ESR1: variants seen among roughly 807,000 people sequenced by gnomAD.
ESR1 encodes estrogen receptor 1, also known as estrogen receptor.
ESR1 carries 12 observed loss-of-function variants against 52.7 expected under a neutral mutation model. The ratio of observed to expected loss-of-function variants is 0.23; its 90% CI spans 0.15 to 0.37. The LOEUF (loss-of-function observed/expected upper bound fraction) is 0.37, where lower values mean the gene tolerates loss of function less well. ESR1 is among the 10% of genes least tolerant of loss of function. The pLI is 1.00. For synonymous variants in ESR1, 305 were observed against 316.8 expected, an observed-to-expected ratio of 0.96 and a Z score of 0.39; for missense variants, 584 against 779.7, an observed-to-expected ratio of 0.75 and a Z score of 2.99.
chr6:151,967,307 A>G (rs1484621245), intron 4 of ESR1, among the ~76,000 whole-genome samples: 1 of 151,990 alleles, frequency 6.6e-6, no homozygotes, highest in Non-Finnish European at 1.5e-5. Flanking sequence ...TACATTAGGT[A>G]TTTCTCCTAA....
At chr6:151,914,622 G>T (rs756355677) in intron 3 of ESR1, among the ~76,000 whole-genome samples, 3 of 152,196 alleles carry the variant, frequency 2.0e-5, no homozygotes, top group Non-Finnish European at 4.4e-5. Flanking sequence ...GAAAAAAGGA[G>T]TATGGACATT....
intron 6 of ESR1, among the ~76,000 whole-genome samples, chr6:152,124,181 C>G (rs1186095661): frequency 6.6e-6 from 1 of 152,142 alleles, no homozygotes; most frequent in Non-Finnish European, 1.5e-5. Context: ...TGGCGTGTGC[C>G]TGTAGTCCCA....
intron 4 of ESR1, among the ~76,000 whole-genome samples, chr6:151,999,497 C>G (rs1584739556): frequency 6.6e-6 from 1 of 152,066 alleles, no homozygotes; most frequent in Admixed American, 6.6e-5. Context: ...ATATAACAAG[C>G]ATTTCCAGTA....
At chr6:151,784,894 A>G (rs376952383) in intron 2 of ESR1, among the ~76,000 whole-genome samples, 1 of 152,248 alleles carries the variant, frequency 6.6e-6, no homozygotes. Context: ...AGAGCAGGCC[A>G]GCAGGCTGGA....
At chr6:151,683,495 C>A (rs886340007) in intron 1 of ESR1, among the ~76,000 whole-genome samples, 2 of 151,850 alleles carry the variant, frequency 1.3e-5, no homozygotes, top group African/African-American at 4.8e-5. Context: ...TCACCAGGCC[C>A]TGTGTGAACT....
At chr6:152,039,758 T>C (rs1231133444) in intron 5 of ESR1, among the ~76,000 whole-genome samples, 1 of 152,182 alleles carries the variant, frequency 6.6e-6, no homozygotes, top group Non-Finnish European at 1.5e-5. Flanking sequence ...CTGCAAAGTA[T>C]TGTCGCCTAG....
chr6:151,796,780 A>G (rs1037548083), intron 2 of ESR1, among the ~76,000 whole-genome samples: 20 of 152,210 alleles, frequency 1.3e-4, no homozygotes, highest in African/African-American at 4.8e-4. Flanking sequence ...TTCCCTTTTT[A>G]AAACTGGTGG....
Position 151,946,086 on chromosome 6 carries a change from T to C in ESR1, c.1096+1578T>C, listed in dbSNP as rs563198612. On this transcript the variant is annotated intron_variant, in intron 4 of 7. Coordinates refer to ENST00000206249, the MANE Select transcript of ESR1 (RefSeq NM_000125.4). ...ATGAAGCAGATACATTATAAGTTAA[T>C]TGTTGGAATCTAATTGTAATATGGC... 3.3e-5 allele frequency among the ~76,000 whole-genome samples: 5 copies of C among 152,392 alleles called. No individual in the cohort carries two copies. In the South Asian group the frequency reaches 6.2e-4, roughly 19 times the overall value.
intron 1 of ESR1, among the ~76,000 whole-genome samples, chr6:151,809,697 A>T (rs183401719): frequency 2.0e-5 from 3 of 152,328 alleles, no homozygotes; most frequent in Admixed American, 2.0e-4. Flanking sequence ...TTCAGTGTGC[A>T]TCTTCAGCCG....
chr6:151,691,853 A>G (rs2941742), intron 1 of ESR1, among the ~76,000 whole-genome samples: 61,656 of 152,008 alleles, frequency 0.41, 12,849 homozygotes, highest in Non-Finnish European at 0.43. Flanking sequence ...AAAAGCAAAT[A>G]TTTTCTTTGA....
Position 151,987,204 on chromosome 6 carries a change from A to T in ESR1, c.1097-24452A>T, listed in dbSNP as rs111226186. 7.9e-3 allele frequency among the ~76,000 whole-genome samples: 1,198 copies of T among 152,042 alleles called. 25 individuals are homozygous for T. The highest frequency in any genetic ancestry group is 0.028 in the African/African-American group (1,155 of 41,424). On this transcript the variant is annotated intron_variant, in intron 4 of 7. Transcript: ENST00000206249. ...TCGTTGAGATGCTCCATCTCCTCCT[A>T]CTGCACCCACCCAGCAATCATCTCT...
rs1276912970 is a variant in ESR1 at position 152,061,467 on chromosome 6, T to C, written c.1369+343T>C. Among the ~76,000 whole-genome samples, 1 of 152,212 alleles carries C rather than the reference T, an allele frequency of 6.6e-6. No homozygotes were observed. The highest frequency in any genetic ancestry group is 1.9e-4 in the East Asian group (1 of 5,202). ...TATGTCTGAAAATAAGTAGACCAAGTAATTCTGTTAAGAAATTGTGACCAA... is the reference window on the plus strand; with the variant it reads ...TATGTCTGAAAATAAGTAGACCAAGCAATTCTGTTAAGAAATTGTGACCAA... On this transcript the variant is annotated intron_variant, in intron 6 of 7. Transcript: ENST00000206249. This position sits in a 1 kb window ranked among gnomAD's most constrained non-coding sequence, Gnocchi z 4.3.
At chr6:151,752,467 GC>G (rs1783971938) in intron 2 of ESR1, among the ~76,000 whole-genome samples, 1 of 137,612 alleles carries the variant, frequency 7.3e-6, no homozygotes, top group African/African-American at 2.9e-5. Flanking sequence ...TACTGCAACT[GC>G]TTTTTTTTTT....
chr6:151,706,626 A>C (rs991379490), intron 2 of ESR1, among the ~76,000 whole-genome samples: 1 of 152,126 alleles, frequency 6.6e-6, no homozygotes, highest in Non-Finnish European at 1.5e-5. Context: ...CCACGAGAGC[A>C]CACCAGATCA....
At chr6:152,035,126 A>C (rs2045171036) in intron 5 of ESR1, among the ~76,000 whole-genome samples, 1 of 152,180 alleles carries the variant, frequency 6.6e-6, no homozygotes, top group Non-Finnish European at 1.5e-5. Context: ...CAATTTAGTC[A>C]GACTTAATAT....
chr6:152,106,771 T>C (rs191499747), downstream of ESR1, among the ~76,000 whole-genome samples: 5 of 151,890 alleles, frequency 3.3e-5, no homozygotes, highest in Non-Finnish European at 4.4e-5. Flanking sequence ...TTTGTTTGCT[T>C]ATTTATTTAT....
At chr6:151,966,582 T>C (rs911612085) in intron 4 of ESR1, among the ~76,000 whole-genome samples, 2 of 152,218 alleles carry the variant, frequency 1.3e-5, no homozygotes, top group Non-Finnish European at 2.9e-5. Context: ...TTTTCTACCA[T>C]GTTTAGAATT....
chr6:152,122,211 A>C, intron 6 of ESR1: 2 of 672,042 alleles, frequency 3.0e-6, no homozygotes, highest in South Asian at 1.8e-5. Flanking sequence ...CAGAGTCTCA[A>C]ACCAGATTTC....
chr6:152,036,109 C>T (rs1356671603), intron 5 of ESR1, among the ~76,000 whole-genome samples: 1 of 125,494 alleles, frequency 8.0e-6, no homozygotes, highest in East Asian at 2.7e-4. Context: ...GTGGCTCACG[C>T]CTGTAATCCC....
Sources: gnomAD v4.1 joint callset for allele counts (sites outside exome capture counted in the v4.1 genomes callset) on GRCh38, gnomAD v4.1.1 for gene constraint, Gnocchi (gnomAD v3.1) non-coding constraint, MANE v1.5 for transcripts, NCBI Gene and HGNC (gene_info 2026-07-23, HGNC 2026-07-21) for gene names.